QTMAN: variants seen among roughly 807,000 people sequenced by gnomAD.
QTMAN encodes the protein tRNA-queuosine alpha-mannosyltransferase.
the QTMAN span, among the ~76,000 whole-genome samples, chr2:144,191,964 T>C: frequency 6.6e-6 from 1 of 152,122 alleles, no homozygotes; most frequent in Non-Finnish European, 1.5e-5. Context: ...CGTAAAAACA[T>C]TATTAACAGC....
chr2:144,322,550 G>A, the QTMAN span, among the ~76,000 whole-genome samples: 2 of 151,984 alleles, frequency 1.3e-5, no homozygotes, highest in African/African-American at 4.8e-5. Flanking sequence ...TCTCATATTG[G>A]TGTCTACATT....
At chr2:144,332,343 G>T in the QTMAN span, 1 of 149,086 alleles carries the variant, frequency 6.7e-6, no homozygotes, top group African/African-American at 2.4e-5. Context: ...CGCGCAGCGC[G>T]GCCCCGCGAG....
At chr2:144,216,680 G>A in the QTMAN span, among the ~76,000 whole-genome samples, 42 of 152,270 alleles carry the variant, frequency 2.8e-4, no homozygotes, top group African/African-American at 9.9e-4. Context: ...ATATAGATAT[G>A]TGTTTATTTT....
chr2:144,150,135 T>G, the QTMAN span, among the ~76,000 whole-genome samples: 13 of 152,088 alleles, frequency 8.5e-5, no homozygotes, highest in African/African-American at 3.1e-4. Context: ...GTATACAATT[T>G]AACACAGACA....
At chr2:144,121,298 C>T in the QTMAN span, among the ~76,000 whole-genome samples, 3 of 152,176 alleles carry the variant, frequency 2.0e-5, no homozygotes, top group Non-Finnish European at 4.4e-5. Flanking sequence ...CATTTAGCAT[C>T]TTCCCACTAA....
chr2:144,250,413 G>A, the QTMAN span, among the ~76,000 whole-genome samples: 1 of 151,950 alleles, frequency 6.6e-6, no homozygotes, highest in South Asian at 2.1e-4. Context: ...AAAGTGCTGA[G>A]ATTACAAGCA....
chr2:144,288,165 A>G, the QTMAN span, among the ~76,000 whole-genome samples: 1 of 152,142 alleles, frequency 6.6e-6, no homozygotes. Flanking sequence ...CACCGAGTCC[A>G]GCAGCCAACA....
chr2:144,122,993 CAAT>C, the QTMAN span, among the ~76,000 whole-genome samples: 3 of 152,186 alleles, frequency 2.0e-5, no homozygotes, highest in East Asian at 3.9e-4. Context: ...CCCCTCTTAA[CAAT>C]AATATCCTAT....
chr2:144,111,930 T>C, the QTMAN span, among the ~76,000 whole-genome samples: 1 of 152,322 alleles, frequency 6.6e-6, no homozygotes, highest in East Asian at 1.9e-4. Context: ...TACCCAAATA[T>C]TCATCACTAA....
the QTMAN span, among the ~76,000 whole-genome samples, chr2:144,289,269 C>T: frequency 2.6e-5 from 4 of 152,022 alleles, no homozygotes; most frequent in South Asian, 2.1e-4. Context: ...CCTCGTGATC[C>T]GCCCGCCTCG....
the QTMAN span, among the ~76,000 whole-genome samples, chr2:143,995,746 T>C: frequency 2.6e-5 from 4 of 152,286 alleles, no homozygotes; most frequent in East Asian, 7.7e-4. Flanking sequence ...TTTAAACCTG[T>C]TTTAAAGGAA....
the QTMAN span, among the ~76,000 whole-genome samples, chr2:144,216,827 A>ATCT: frequency 2.0e-5 from 3 of 152,170 alleles, no homozygotes; most frequent in African/African-American, 7.2e-5. Flanking sequence ...AATCATCTGC[A>ATCT]GTTTCTTATT....
the QTMAN span, among the ~76,000 whole-genome samples, chr2:144,159,608 T>C: frequency 6.6e-6 from 1 of 152,098 alleles, no homozygotes; most frequent in African/African-American, 2.4e-5. Context: ...AACAGTGAGA[T>C]AGTGAGTTCA....
At chr2:143,977,136 C>A in the QTMAN span, among the ~76,000 whole-genome samples, 1 of 152,130 alleles carries the variant, frequency 6.6e-6, no homozygotes, top group African/African-American at 2.4e-5. Flanking sequence ...AAATTTTAAT[C>A]AATTTATTCC....
the QTMAN span, among the ~76,000 whole-genome samples, chr2:143,992,539 T>A: frequency 5.7e-4 from 86 of 151,560 alleles, 1 homozygote; most frequent in East Asian, 3.7e-3. Flanking sequence ...AATAAAAAAA[T>A]AAATAAATAA....
At chr2:144,318,236 T>G in the QTMAN span, among the ~76,000 whole-genome samples, 1 of 135,636 alleles carries the variant, frequency 7.4e-6, no homozygotes, top group Non-Finnish European at 1.5e-5. Flanking sequence ...CACACACAAA[T>G]TGTGGTCCTT....
At chr2:144,076,701 G>A in the QTMAN span, among the ~76,000 whole-genome samples, 1 of 152,160 alleles carries the variant, frequency 6.6e-6, no homozygotes, top group African/African-American at 2.4e-5. Context: ...TAGAAAAAGA[G>A]AAAAACAGGA....
At chr2:144,019,881 T>C in the QTMAN span, among the ~76,000 whole-genome samples, 2 of 152,214 alleles carry the variant, frequency 1.3e-5, no homozygotes, top group Non-Finnish European at 2.9e-5. Context: ...CTAAACTGAC[T>C]TAGTGAAACT....
the QTMAN span, among the ~76,000 whole-genome samples, chr2:144,234,928 T>C: frequency 6.6e-6 from 1 of 152,194 alleles, no homozygotes; most frequent in South Asian, 2.1e-4. Context: ...TTAGTGCCCA[T>C]GCACAGCACT....
Sources: gnomAD v4.1 joint callset for allele counts (sites outside exome capture counted in the v4.1 genomes callset) on GRCh38, gnomAD v4.1.1 for gene constraint, MANE v1.5 for transcripts, NCBI Gene and HGNC (gene_info 2026-07-23, HGNC 2026-07-21) for gene names.